The following NACC2 variants were observed in gnomAD, a reference collection of about 807,000 sequenced individuals.
The protein encoded by NACC2 is NACC family member 2, also known as nucleus accumbens-associated protein 2.
In NACC2, 8 loss-of-function variants were observed where a neutral mutation model predicts 25.1. The ratio of observed to expected loss-of-function variants is 0.32; its 90% confidence interval spans 0.19 to 0.57. The LOEUF is 0.57. Ranked by LOEUF, NACC2 falls within the 20% of genes least tolerant of loss-of-function variation. NACC2 has a pLI of 0.89. For synonymous variants in NACC2, 435 were observed against 294.7 expected, an observed-to-expected ratio of 1.48 and a Z score of -4.88; for missense variants, 644 against 650.2, an observed-to-expected ratio of 0.99 and a Z score of 0.10.
chr9:136,078,834 C>T lies in NACC2; in HGVS notation c.-60+16355G>A, dbSNP rs535380459. Among the ~76,000 whole-genome samples the T allele has an allele frequency of 2.6e-5, 4 of 152,330 alleles. No individual in the cohort carries two copies. The East Asian group carries it at 7.7e-4, about 29-fold the overall frequency. ...GCGTGGTCCCCTCCAGGAACTGAGG[C>T]TCTCAGGGCAGGGCCTCTCGCCCCT... On this transcript the variant is annotated intron_variant, in intron 1 of 5. Transcript: ENST00000277554.
chr9:136,060,481 A>ACAGGGC (rs1326482016), intron 1 of NACC2, among the ~76,000 whole-genome samples: 1 of 152,236 alleles, frequency 6.6e-6, no homozygotes, highest in African/African-American at 2.4e-5. Flanking sequence ...TTTCCAGAAG[A>ACAGGGC]CAGGGCCAGG....
At chr9:136,056,270 T>C (rs1840923172) in intron 1 of NACC2, among the ~76,000 whole-genome samples, 1 of 152,174 alleles carries the variant, frequency 6.6e-6, no homozygotes, top group Non-Finnish European at 1.5e-5. Flanking sequence ...TGGCTGCTAA[T>C]GGAACCACCA....
chr9:136,050,192 C>T lies in NACC2; in HGVS notation c.330G>A (p.Gln110=). 1 of 772,322 alleles carries T rather than the reference C, an allele frequency of 1.3e-6. No individual in the cohort carries two copies. Among genetic ancestry groups the T allele is most frequent in the Non-Finnish European group, 2.4e-6 (1 of 415,738 alleles). 47.8% of individuals were successfully genotyped at this position (772,322 alleles called of 1,614,324 possible). The change falls in exon 2 of 6, where the codon CAG becomes CAA. Residue 110 remains glutamine (Q), a synonymous_variant. Coordinates refer to ENST00000277554, the MANE Select transcript of NACC2 (RefSeq NM_144653.5). ...GGTCGGTGCCGCGCTCCACGATGTGCTGGATCTGCAGGAAGCCGGCCGTGT... is the reference window on the plus strand; with the variant it reads ...GGTCGGTGCCGCGCTCCACGATGTGTTGGATCTGCAGGAAGCCGGCCGTGT... The part of the protein sequence containing the change: ...VMYTAGFLQI[Q]HIVERGTDLM...
chr9:136,079,692 A>T (rs1830301085), intron 1 of NACC2, among the ~76,000 whole-genome samples: 1 of 152,198 alleles, frequency 6.6e-6, no homozygotes, highest in African/African-American at 2.4e-5. Flanking sequence ...CTCCAGGGTC[A>T]CCAGAGCCCT....
At chr9:136,081,083 G>A (rs1208418375) in intron 1 of NACC2, among the ~76,000 whole-genome samples, 1 of 152,114 alleles carries the variant, frequency 6.6e-6, no homozygotes, top group Non-Finnish European at 1.5e-5. Flanking sequence ...GCTGCGGGGA[G>A]AAGAAACGCG....
At chr9:136,033,232 CAGAGTA>C (rs1297305167) in intron 2 of NACC2, among the ~76,000 whole-genome samples, 29 of 151,968 alleles carry the variant, frequency 1.9e-4, no homozygotes, top group Non-Finnish European at 2.6e-4. Context: ...GGTAGACTCT[CAGAGTA>C]AATCAGTGAG....
chr9:136,033,462 G>A (rs944204637), intron 2 of NACC2, among the ~76,000 whole-genome samples: 6 of 124,236 alleles, frequency 4.8e-5, no homozygotes, highest in Admixed American at 8.3e-5. Context: ...CAGCGAACAT[G>A]GTGAAACCCC....
intron 2 of NACC2, among the ~76,000 whole-genome samples, chr9:136,024,087 G>A (rs905791109): frequency 4.6e-5 from 7 of 151,954 alleles, no homozygotes; most frequent in African/African-American, 1.7e-4. Context: ...GTGAGTGAGG[G>A]CCAGAGTGTG....
chr9:136,060,625 C>T (rs979776411), intron 1 of NACC2, among the ~76,000 whole-genome samples: 1 of 152,250 alleles, frequency 6.6e-6, no homozygotes, highest in East Asian at 1.9e-4. Flanking sequence ...TCCTCCCTGG[C>T]CAAGGCCGCA....
chr9:136,076,993 G>A (rs371251905), intron 1 of NACC2, among the ~76,000 whole-genome samples: 98 of 142,158 alleles, frequency 6.9e-4, no homozygotes, highest in South Asian at 2.1e-3. Context: ...GCGACAGAGC[G>A]AGACTCTGTC....
chr9:136,076,424 G>T (rs901929639), intron 1 of NACC2, among the ~76,000 whole-genome samples: 1 of 152,120 alleles, frequency 6.6e-6, no homozygotes, highest in South Asian at 2.1e-4. Flanking sequence ...ACACTATGCC[G>T]AGTGAAAGCC....
Position 136,069,548 on chromosome 9 carries a change from A to AAAAACAAAAC in NACC2, c.-59-18978_-59-18969dup, listed in dbSNP as rs377428585. ...TGGGTGAAAGAGTGAAACTCTGTCA[A>AAAAACAAAAC]AAAACAAAACAAAACAAAACAAAAC... On this transcript the variant is annotated intron_variant, in intron 1 of 5. Coordinates refer to ENST00000277554, the MANE Select transcript of NACC2 (RefSeq NM_144653.5). Among the ~76,000 whole-genome samples, 28 of 151,140 alleles carry AAAAACAAAAC rather than the reference A, an allele frequency of 1.9e-4. 2 individuals carry two copies. Among genetic ancestry groups the AAAAACAAAAC allele is most frequent in the African/African-American group, 5.2e-4 (21 of 40,504 alleles).
Position 136,068,642 on chromosome 9 carries a change from G to A in NACC2, c.-59-18062C>T, listed in dbSNP as rs1256764881. 2.0e-5 allele frequency among the ~76,000 whole-genome samples: 3 copies of A among 151,774 alleles called. 1 individual carries two copies. The highest frequency in any genetic ancestry group is 2.1e-4 in the South Asian group (1 of 4,830). ...CCCCTGAACTGCTGTTATGCAGCAT[G>A]TGACTATATACTAAAAACCACTAAA... On this transcript the variant is annotated intron_variant, in intron 1 of 5. Coordinates refer to ENST00000277554, the MANE Select transcript of NACC2 (RefSeq NM_144653.5).
At chr9:136,089,416 G>C (rs1464469591) in intron 1 of NACC2, among the ~76,000 whole-genome samples, 1 of 152,034 alleles carries the variant, frequency 6.6e-6, no homozygotes, top group Non-Finnish European at 1.5e-5. Flanking sequence ...GCGAAGGGTA[G>C]GGGGTACAGA....
Position 136,070,830 on chromosome 9 carries a change from G to C in NACC2, c.-59-20250C>G, listed in dbSNP as rs191465040. Among the ~76,000 whole-genome samples, 16 of 151,902 alleles carry C rather than the reference G, an allele frequency of 1.1e-4. 1 individual carries two copies. The highest frequency in any genetic ancestry group is 3.9e-4 in the African/African-American group (16 of 41,196). ...GATCAATAAAGTTGACAAACATCTAGCAAGACTGACAAGAGTAGATACAAA... is the reference window on the plus strand; with the variant it reads ...GATCAATAAAGTTGACAAACATCTACCAAGACTGACAAGAGTAGATACAAA... On this transcript the variant is annotated intron_variant, in intron 1 of 5. Coordinates refer to ENST00000277554, the MANE Select transcript of NACC2 (RefSeq NM_144653.5).
chr9:136,039,258 CTAATAGTTCTATGTCTAAAG>C (rs1247774847), intron 2 of NACC2, among the ~76,000 whole-genome samples: 1 of 152,090 alleles, frequency 6.6e-6, no homozygotes, highest in African/African-American at 2.4e-5. Context: ...AGAGAAAATC[CTAATAGTTCTATGTCTAAAG>C]TAATATTGGT....
At chr9:136,077,605 A>G (rs1035082885) in intron 1 of NACC2, among the ~76,000 whole-genome samples, 3 of 152,140 alleles carry the variant, frequency 2.0e-5, no homozygotes, top group African/African-American at 7.2e-5. Context: ...AAACGCACAG[A>G]GGAGGGAGGG....
chr9:136,030,253 G>A lies in NACC2; in HGVS notation c.887-13824C>T, dbSNP rs139408567. On this transcript the variant is annotated intron_variant, in intron 2 of 5. Transcript: ENST00000277554. Reference sequence around the variant, plus strand: ...TGCAGGCTGTACAAAAACAGGACACGGGACAGATCTGCCATAGTCAGAGGA... The same window carrying A: ...TGCAGGCTGTACAAAAACAGGACACAGGACAGATCTGCCATAGTCAGAGGA... 3.4e-3 allele frequency among the ~76,000 whole-genome samples: 518 copies of A among 152,164 alleles called. 4 individuals carry two copies. Among genetic ancestry groups the A allele is most frequent in the African/African-American group, 0.012 (481 of 41,532 alleles).
intron 2 of NACC2, among the ~76,000 whole-genome samples, chr9:136,027,268 C>T (rs2131144518): frequency 6.6e-6 from 1 of 152,230 alleles, no homozygotes; most frequent in African/African-American, 2.4e-5. Flanking sequence ...ATGAATAAAA[C>T]AAAACCCAAG....
Sources: allele counts gnomAD v4.1 joint callset (sites outside exome capture counted in the v4.1 genomes callset), GRCh38; gene constraint gnomAD v4.1.1; transcripts MANE v1.5; gene names NCBI Gene and HGNC (gene_info 2026-07-23, HGNC 2026-07-21).